Variants in ALDH7A1 observed in about 807,000 individuals in gnomAD.
ALDH7A1 encodes the protein alpha-aminoadipic semialdehyde dehydrogenase.
ALDH7A1 carries 63 observed loss-of-function variants against 79.9 expected under a neutral mutation model. The observed-to-expected ratio is 0.79, with a 90% CI of 0.64 to 0.97. The LOEUF is 0.97. ALDH7A1 is among the 50% of genes least tolerant of loss of function. The probability of loss-of-function intolerance (pLI) is 0.00; values close to 1 mark genes in which losing one functional copy is unlikely to be tolerated. For synonymous variants in ALDH7A1, 240 were observed against 231.2 expected, an observed-to-expected ratio of 1.04 and a Z score of -0.34; for missense variants, 627 against 665.2, an observed-to-expected ratio of 0.94 and a Z score of 0.63.
At position 126,543,532 on chromosome 5, in the gene ALDH7A1, G is replaced by A. The variant is rs1749683185; in HGVS notation, c.*1433C>T. 1 of 152,114 alleles carries A rather than the reference G, an allele frequency of 6.6e-6. No homozygotes were observed. The highest frequency in any genetic ancestry group is 2.1e-4 in the South Asian group (1 of 4,822). The allele number at this position is 152,114 out of a possible 1,614,324, so 9.4% of individuals were successfully genotyped here. A position where few individuals can be genotyped will look rare whatever the true frequency, so the allele number is the denominator to read the frequency against. On this transcript the variant is annotated 3_prime_UTR_variant, in exon 18 of 18. Coordinates refer to ENST00000409134, the MANE Select transcript of ALDH7A1 (RefSeq NM_001182.5). ...ATATTATGAATACCTTTGCTTCCCA[G>A]ATACATTTATAATTGTTTAGTTTTT...
chr5:126,594,857 C>T, intron 1 of ALDH7A1, 150 bp downstream of exon 1: 2 of 1,056,428 alleles, frequency 1.9e-6, no homozygotes, highest in South Asian at 1.4e-5. Context: ...TTTAAAGGCA[C>T]CCTACACGAG....
At chr5:126,574,643 C>T (rs1750903949) in intron 7 of ALDH7A1, among the ~76,000 whole-genome samples, 2 of 151,644 alleles carry the variant, frequency 1.3e-5, no homozygotes, top group African/African-American at 2.4e-5. Context: ...TGCAGTGAGC[C>T]GAGATCGCAC....
intron 7 of ALDH7A1, among the ~76,000 whole-genome samples, chr5:126,572,452 C>T (rs1423931921): frequency 6.6e-6 from 1 of 152,192 alleles, no homozygotes; most frequent in Non-Finnish European, 1.5e-5. Context: ...TTAACAAACC[C>T]CTGCCCCTAA....
chr5:126,592,294 G>A (rs1167569850), intron 3 of ALDH7A1: 2 of 240,640 alleles, frequency 8.3e-6, no homozygotes, highest in Admixed American at 1.0e-4. Context: ...AAATCTGGCA[G>A]GGGGATAGAG....
intron 11 of ALDH7A1, among the ~76,000 whole-genome samples, chr5:126,557,199 T>C (rs1323944608): frequency 6.6e-6 from 1 of 152,232 alleles, no homozygotes; most frequent in Non-Finnish European, 1.5e-5. Context: ...AACTTTAAAG[T>C]TACAAATGTA....
In ALDH7A1 at chr5:126,583,888, T is replaced by C. The variant is rs752170501; in HGVS notation, c.393+44A>G. On this transcript the variant is annotated intron_variant, in intron 4 of 17. Transcript: ENST00000409134. ...TATATAGAAAAGCATGACAGCCTTA[T>C]TGTCCACTCAAAGAATTGTGTATAT... 2.4e-5 allele frequency: 35 copies of C among 1,465,868 alleles called. No individual in the cohort carries two copies. In the Admixed American group the frequency reaches 5.5e-4, roughly 23 times the overall value. 90.8% of individuals were successfully genotyped at this position (1,465,868 alleles called of 1,614,324 possible).
chr5:126,555,667 G>A (rs1385837688), intron 12 of ALDH7A1, among the ~76,000 whole-genome samples: 1 of 151,972 alleles, frequency 6.6e-6, no homozygotes, highest in Non-Finnish European at 1.5e-5. Flanking sequence ...GTGTCGGCTT[G>A]GACAAGGGTA....
chr5:126,571,628 A>G (rs965273804), intron 7 of ALDH7A1, among the ~76,000 whole-genome samples: 16 of 151,998 alleles, frequency 1.1e-4, no homozygotes, highest in African/African-American at 3.9e-4. Flanking sequence ...CAGACTGATC[A>G]CTGGGCCTTT....
At chr5:126,561,987 T>TA (rs1750418415) in intron 9 of ALDH7A1, 2 of 152,134 alleles carry the variant, frequency 1.3e-5, no homozygotes, top group African/African-American at 2.4e-5. Flanking sequence ...AATAAATAAA[T>TA]AAGAGAATTA....
intron 11 of ALDH7A1, among the ~76,000 whole-genome samples, chr5:126,557,585 CAAAA>C (rs955163501): frequency 9.9e-6 from 1 of 101,274 alleles, no homozygotes; most frequent in African/African-American, 3.8e-5. Flanking sequence ...GACTCCATCT[CAAAA>C]AAAAAAAAGA....
At chr5:126,558,575 G>A (rs1033455197) in intron 11 of ALDH7A1, among the ~76,000 whole-genome samples, 2 of 152,106 alleles carry the variant, frequency 1.3e-5, no homozygotes, top group African/African-American at 4.8e-5. Flanking sequence ...AGAGTACAGT[G>A]GTGCAATCAT....
At chr5:126,558,166 CAAAAAAAAAAA>C (rs35559498) in intron 11 of ALDH7A1, among the ~76,000 whole-genome samples, 1,146 of 75,544 alleles carry the variant, frequency 0.015, 20 homozygotes, top group African/African-American at 0.057. Context: ...GACTCCAACT[CAAAAAAAAAAA>C]AAAAAAAAAA....
chr5:126,553,767 G>A (rs970820647), intron 13 of ALDH7A1, among the ~76,000 whole-genome samples: 4 of 151,722 alleles, frequency 2.6e-5, no homozygotes, highest in Non-Finnish European at 5.9e-5. Flanking sequence ...AGCTGAGATC[G>A]TGCACCACTG....
At chr5:126,594,166 T>C (rs1443021004) in intron 1 of ALDH7A1, 4 of 470,692 alleles carry the variant, frequency 8.5e-6, no homozygotes, top group Non-Finnish European at 1.8e-5. Flanking sequence ...AGGCGCGGTG[T>C]TAAGCCCTGG....
intron 9 of ALDH7A1, chr5:126,564,685 C>T: frequency 1.8e-6 from 1 of 571,328 alleles, no homozygotes. Context: ...CTAGTCTCTG[C>T]TGCAATCATT....
rs1749726950 is a variant in ALDH7A1 at position 126,544,717 on chromosome 5, A to C, written c.*248T>G. 8 of 512,176 alleles carry C rather than the reference A, an allele frequency of 1.6e-5. No individual in the cohort carries two copies. In the South Asian group the frequency reaches 1.7e-4, roughly 11 times the overall value. The allele number at this position is 512,176 out of a possible 1,614,324, so 31.7% of individuals were successfully genotyped here. ...CATTAACTTTTAAAAAGCCATGTAC[A>C]ACTAGTTGACATAATAAAAATCCAC... On this transcript the variant is annotated 3_prime_UTR_variant, in exon 18 of 18. Coordinates refer to ENST00000409134, the MANE Select transcript of ALDH7A1 (RefSeq NM_001182.5).
At chr5:126,562,516 T>A (rs558067479) in intron 9 of ALDH7A1, 4 of 152,074 alleles carry the variant, frequency 2.6e-5, no homozygotes, top group Admixed American at 2.0e-4. Context: ...TGGCTTATTA[T>A]AGAGCCTTAA....
intron 17 of ALDH7A1, among the ~76,000 whole-genome samples, 172 bp from the exon 18 acceptor site, chr5:126,545,191 T>G (rs1016777163): frequency 1.3e-5 from 2 of 152,230 alleles, no homozygotes; most frequent in South Asian, 4.1e-4. Flanking sequence ...GATCCCGTTT[T>G]ATTTAAAAGA....
chr5:126,558,111 T>C (rs2013986), intron 11 of ALDH7A1, among the ~76,000 whole-genome samples: 108,145 of 145,462 alleles, frequency 0.74, 40,216 homozygotes, highest in African/African-American at 0.81. Context: ...GAGGTTGCAG[T>C]GAGCAAGATC....
Sources: allele counts gnomAD v4.1 joint callset (sites outside exome capture counted in the v4.1 genomes callset), GRCh38; gene constraint gnomAD v4.1.1; transcripts MANE v1.5; gene names NCBI Gene and HGNC (gene_info 2026-07-23, HGNC 2026-07-21).